Variants in CNOT6 observed in about 807,000 individuals in gnomAD.
The protein encoded by CNOT6 is CCR4-NOT transcription complex subunit 6.
Under a neutral mutation model 61.2 loss-of-function variants are expected in CNOT6, and 12 were observed. The observed-to-expected ratio is 0.20, with a 90% CI of 0.13 to 0.32. CNOT6 has a LOEUF of 0.32. CNOT6 is among the 10% of genes least tolerant of loss of function. The pLI is 1.00. For missense variants in CNOT6, 405 were observed against 663.9 expected (o/e 0.61, Z 4.28); for synonymous variants, 225 against 240.6 (o/e 0.94, Z 0.60).
rs562487907 is a variant in CNOT6, at chr5:180,499,992, T to G, written c.-3+5229T>G. ...CAAGCTTTCTCCCTTCATCTAGTGT[T>G]TATGTGACAGAATAGCACATAAATA... On this transcript the variant is annotated intron_variant, in intron 1 of 11. Transcript: ENST00000261951. 3.5e-4 allele frequency among the ~76,000 whole-genome samples: 54 copies of G among 152,304 alleles called. No individual in the cohort carries two copies. In the South Asian group the frequency reaches 0.011, roughly 30 times the overall value.
Position 180,564,430 on chromosome 5 carries a change from A to T in CNOT6, c.386-59A>T, listed in dbSNP as rs1415599441. The T allele has an allele frequency of 5.2e-6, 6 of 1,145,828 alleles. No individual in the cohort carries two copies. In the East Asian group the frequency reaches 1.2e-4, roughly 23 times the overall value. 71.0% of individuals were successfully genotyped at this position (1,145,828 alleles called of 1,614,324 possible). On this transcript the variant is annotated intron_variant, in intron 4 of 11. Coordinates refer to ENST00000261951, the MANE Select transcript of CNOT6 (RefSeq NM_001370472.1). ...TGATCTGATAATTTTGATACATTTT[A>T]AAATTTTGAAACATTTTATTACTTA...
intron 1 of CNOT6, among the ~76,000 whole-genome samples, chr5:180,521,242 A>T (rs987701648): frequency 2.0e-5 from 3 of 152,216 alleles, no homozygotes; most frequent in African/African-American, 7.2e-5. Context: ...GAGGAAGAGG[A>T]AAGACATCTT....
intron 10 of CNOT6, among the ~76,000 whole-genome samples, 200 bp from the exon 11 acceptor site, chr5:180,571,030 T>G (rs1197400533): frequency 6.6e-6 from 1 of 152,240 alleles, no homozygotes. Context: ...AGACACATGT[T>G]CATAAAGCAA....
Position 180,574,884 on chromosome 5 carries a change from C to T in CNOT6, c.*684C>T, listed in dbSNP as rs1198006543. 1 of 152,772 alleles carries T rather than the reference C, an allele frequency of 6.5e-6. No homozygotes were observed. The highest frequency in any genetic ancestry group is 1.9e-4 in the East Asian group (1 of 5,200). 9.5% of individuals were successfully genotyped at this position (152,772 alleles called of 1,614,324 possible). A position where few individuals can be genotyped will look rare whatever the true frequency, so the allele number is the denominator to read the frequency against. On this transcript the variant is annotated 3_prime_UTR_variant, in exon 12 of 12. Transcript: ENST00000261951. ...TTTAAATTGAGAACATGGTTCTTTACATATAAATCTGCTTCAACCTTAGGA... is the reference window on the plus strand; with the variant it reads ...TTTAAATTGAGAACATGGTTCTTTATATATAAATCTGCTTCAACCTTAGGA...
intron 1 of CNOT6, among the ~76,000 whole-genome samples, chr5:180,525,232 C>T (rs547413448): frequency 6.6e-6 from 1 of 152,272 alleles, no homozygotes; most frequent in Middle Eastern, 3.4e-3. Flanking sequence ...ACAGTCAAAA[C>T]CCATTTCTAT....
intron 1 of CNOT6, among the ~76,000 whole-genome samples, chr5:180,517,319 G>C (rs369171188): frequency 9.9e-5 from 15 of 152,104 alleles, no homozygotes; most frequent in Admixed American, 6.5e-4. Flanking sequence ...AGTACAGACT[G>C]GGTTTTGCCA....
chr5:180,522,492 T>G (rs960641200), intron 1 of CNOT6, among the ~76,000 whole-genome samples: 1 of 152,176 alleles, frequency 6.6e-6, no homozygotes, highest in African/African-American at 2.4e-5. Flanking sequence ...CCACCAGCAG[T>G]GTATAAGTGT....
At chr5:180,518,272 C>A (rs1020928086) in intron 1 of CNOT6, among the ~76,000 whole-genome samples, 2 of 152,246 alleles carry the variant, frequency 1.3e-5, no homozygotes, top group Admixed American at 6.5e-5. Context: ...TTAGACTTAG[C>A]TTTTTGGCAC....
intron 2 of CNOT6, among the ~76,000 whole-genome samples, chr5:180,548,339 G>A (rs931753744): frequency 8.5e-5 from 13 of 152,152 alleles, no homozygotes; most frequent in Non-Finnish European, 1.8e-4. Flanking sequence ...CATCCTTTCA[G>A]GTGTTTTTTT....
rs1354504560 is a variant in CNOT6 at position 180,575,036 on chromosome 5, C to G, written c.*836C>G. 1 of 152,576 alleles carries G rather than the reference C, an allele frequency of 6.6e-6. No individual in the cohort carries two copies. The highest frequency in any genetic ancestry group is 1.5e-5 in the Non-Finnish European group (1 of 68,028). 9.5% of individuals were successfully genotyped at this position (152,576 alleles called of 1,614,324 possible). On this transcript the variant is annotated 3_prime_UTR_variant, in exon 12 of 12. Coordinates refer to ENST00000261951, the MANE Select transcript of CNOT6 (RefSeq NM_001370472.1). ...ATGTAATGGTTGATATATGTACATT[C>G]TGATATTTTTAAATCTTTAACTTTT... is the stretch of plus-strand genomic sequence containing the variant.
chr5:180,574,827 G>A lies in CNOT6; in HGVS notation c.*627G>A, dbSNP rs1201828801. On this transcript the variant is annotated 3_prime_UTR_variant, in exon 12 of 12. Coordinates refer to ENST00000261951, the MANE Select transcript of CNOT6 (RefSeq NM_001370472.1). The stretch of plus-strand genomic sequence containing the variant: ...TCTCTGCTCATGATTTGCACTCTTA[G>A]GGTTTTGTTAGCCCTTTTGTACTAC... 6.5e-6 allele frequency: 1 copy of A among 153,006 alleles called. No individual in the cohort carries two copies. Among genetic ancestry groups the A allele is most frequent in the Non-Finnish European group, 1.5e-5 (1 of 68,410 alleles). The allele number at this position is 153,006 out of a possible 1,614,324, so 9.5% of individuals were successfully genotyped here. A position where few individuals can be genotyped will look rare whatever the true frequency, so the allele number is the denominator to read the frequency against.
chr5:180,510,133 C>CTTT (rs1561633413), intron 1 of CNOT6, among the ~76,000 whole-genome samples: 1 of 73,066 alleles, frequency 1.4e-5, no homozygotes, highest in Admixed American at 1.8e-4. Context: ...CGTCTGTAAA[C>CTTT]CTTTTTTTTT....
chr5:180,513,057 C>G (rs1415737064), intron 1 of CNOT6, among the ~76,000 whole-genome samples: 2 of 151,916 alleles, frequency 1.3e-5, no homozygotes, highest in Non-Finnish European at 2.9e-5. Flanking sequence ...CACCAATGCC[C>G]GGATAATTTT....
intron 2 of CNOT6, among the ~76,000 whole-genome samples, chr5:180,539,253 A>G (rs916713374): frequency 6.6e-6 from 1 of 151,142 alleles, no homozygotes; most frequent in Non-Finnish European, 1.5e-5. Flanking sequence ...GCAAGATGGC[A>G]AGGCCCCAGA....
chr5:180,569,141 A>G lies in CNOT6; in HGVS notation c.1059A>G (p.Gln353=), dbSNP rs1760620136. The G allele has an allele frequency of 1.2e-6, 2 of 1,614,006 alleles. No homozygotes were observed. The highest frequency in any genetic ancestry group is 1.3e-5 in the African/African-American group (1 of 74,930). The stretch of plus-strand genomic sequence containing the variant: ...AGCCACATCTTGGAACAGAAAAACA[A>G]CTTATTCTTGTGGCTAACGCCCACA... ...SGKPHLGTEK[Q]LILVANAHMH... The change falls in exon 10 of 12, where the codon CAA becomes CAG. Residue 353 remains glutamine, a synonymous_variant. Coordinates refer to ENST00000261951, the MANE Select transcript of CNOT6 (RefSeq NM_001370472.1).
intron 4 of CNOT6, among the ~76,000 whole-genome samples, chr5:180,556,687 T>A (rs1759909412): frequency 1.3e-5 from 2 of 152,226 alleles, no homozygotes; most frequent in Non-Finnish European, 2.9e-5. Flanking sequence ...GCGCAGTGGC[T>A]CACGCCTATA....
At chr5:180,509,117 G>A (rs1233833382) in intron 1 of CNOT6, among the ~76,000 whole-genome samples, 1 of 151,932 alleles carries the variant, frequency 6.6e-6, no homozygotes, top group Non-Finnish European at 1.5e-5. Flanking sequence ...ACAGCGCCCG[G>A]CCTATTTTAT....
At chr5:180,520,406 G>A (rs1471050903) in intron 1 of CNOT6, among the ~76,000 whole-genome samples, 2 of 152,108 alleles carry the variant, frequency 1.3e-5, no homozygotes, top group South Asian at 4.2e-4. Context: ...CACTTTGGGA[G>A]GCCAAGGCAG....
chr5:180,494,907 T>C (rs146560668), intron 1 of CNOT6, 144 bp downstream of exon 1: 4,293 of 151,792 alleles, frequency 0.028, 71 homozygotes, highest in Non-Finnish European at 0.034. Context: ...CTGGCGGCTG[T>C]TGGGGGCCCC....
Sources: gnomAD v4.1 joint callset for allele counts (sites outside exome capture counted in the v4.1 genomes callset) on GRCh38, gnomAD v4.1.1 for gene constraint, MANE v1.5 for transcripts, NCBI Gene and HGNC (gene_info 2026-07-23, HGNC 2026-07-21) for gene names.